The following VPS13B variants were observed in gnomAD, a reference collection of about 807,000 sequenced individuals.
The protein encoded by VPS13B is vacuolar protein sorting 13 homolog B, also known as intermembrane lipid transfer protein VPS13B.
Under a neutral mutation model 426.4 loss-of-function variants are expected in VPS13B, and 285 were observed. That is an observed-to-expected ratio of 0.67 (90% CI 0.61 to 0.74). The LOEUF (loss-of-function observed/expected upper bound fraction) is 0.74, where lower values mean the gene tolerates loss of function less well. Among genes scored for constraint, VPS13B ranks in the 30% least tolerant of loss-of-function variants. The pLI is 0.00. For synonymous variants in VPS13B, 1,676 were observed against 1,676.4 expected, an observed-to-expected ratio of 1.00 and a Z score of 0.01; for missense variants, 4,537 against 4,782.6, an observed-to-expected ratio of 0.95 and a Z score of 1.51.
At chr8:99,841,341 C>A (rs1323497706) in intron 54 of VPS13B, among the ~76,000 whole-genome samples, 1 of 152,176 alleles carries the variant, frequency 6.6e-6, no homozygotes, top group Non-Finnish European at 1.5e-5. Flanking sequence ...CTAGACATGT[C>A]AGCCTGAAAA....
intron 16 of VPS13B, among the ~76,000 whole-genome samples, chr8:99,183,616 G>A (rs1813063603): frequency 6.6e-6 from 1 of 151,736 alleles, no homozygotes; most frequent in South Asian, 2.1e-4. Flanking sequence ...ACTTAAATTG[G>A]GTATTTTTTC....
At chr8:99,498,088 A>G (rs960979256) in intron 25 of VPS13B, among the ~76,000 whole-genome samples, 62 of 152,222 alleles carry the variant, frequency 4.1e-4, no homozygotes, top group African/African-American at 1.4e-3. Context: ...ATATTCATAT[A>G]AAAATGTCTT....
At chr8:99,678,495 A>G (rs1831031229) in intron 35 of VPS13B, among the ~76,000 whole-genome samples, 1 of 151,546 alleles carries the variant, frequency 6.6e-6, no homozygotes, top group Non-Finnish European at 1.5e-5. Context: ...AACTCTCCTC[A>G]GCCCCCAACC....
chr8:99,334,705 C>G (rs184376329), intron 19 of VPS13B, among the ~76,000 whole-genome samples: 184 of 152,092 alleles, frequency 1.2e-3, no homozygotes, highest in African/African-American at 3.7e-3. Context: ...GGGTGAAGCC[C>G]ACTTACTTGA....
At chr8:99,270,131 C>CGTTTTTTTTTTTTTTT (rs1554703629) in intron 17 of VPS13B, among the ~76,000 whole-genome samples, 1 of 30,312 alleles carries the variant, frequency 3.3e-5, no homozygotes, top group Non-Finnish European at 6.0e-5. Flanking sequence ...ATATAAGAAT[C>CGTTTTTTTTTTTTTTT]TTTTTTTTTT....
At chr8:99,123,600 G>T (rs546452960) in intron 8 of VPS13B, among the ~76,000 whole-genome samples, 2 of 152,236 alleles carry the variant, frequency 1.3e-5, no homozygotes, top group East Asian at 1.9e-4. Context: ...GTAAGGAAAA[G>T]AAATAGATAG....
At chr8:99,366,801 A>G (rs948520889) in intron 19 of VPS13B, among the ~76,000 whole-genome samples, 2 of 152,084 alleles carry the variant, frequency 1.3e-5, no homozygotes, top group Non-Finnish European at 1.5e-5. Context: ...TGCAAGTACT[A>G]TCTTATAACG....
chr8:99,699,490 C>T lies in VPS13B; in HGVS notation c.6047-35C>T, dbSNP rs774556813. Reference sequence around the variant, plus strand: ...TAAAGGCTTGTATTCAGTAAGAAAGCTTCAATAATTGTTTTCTCTTTTTTA... The same window carrying T: ...TAAAGGCTTGTATTCAGTAAGAAAGTTTCAATAATTGTTTTCTCTTTTTTA... On this transcript the variant is annotated intron_variant, in intron 35 of 61. Transcript: ENST00000357162. The T allele has an allele frequency of 3.7e-6, 6 of 1,606,838 alleles. No homozygotes were observed. In the South Asian group the frequency reaches 4.4e-5, roughly 12 times the overall value.
intron 24 of VPS13B, among the ~76,000 whole-genome samples, chr8:99,475,112 A>G (rs1819623084): frequency 6.6e-6 from 1 of 152,322 alleles, no homozygotes; most frequent in African/African-American, 2.4e-5. Flanking sequence ...CTTACTCCAT[A>G]ATTCCATTTA....
chr8:99,697,414 G>C, intron 35 of VPS13B: 1 of 657,740 alleles, frequency 1.5e-6, no homozygotes, highest in African/African-American at 1.8e-5. Flanking sequence ...ACTGCCCCCT[G>C]CTAGAGAGCT....
At chr8:99,280,913 G>A (rs1819138780) in intron 19 of VPS13B, among the ~76,000 whole-genome samples, 1 of 151,716 alleles carries the variant, frequency 6.6e-6, no homozygotes, top group Admixed American at 6.6e-5. Context: ...AGCATTTACT[G>A]CTATGGTTGA....
intron 19 of VPS13B, among the ~76,000 whole-genome samples, chr8:99,371,263 A>G (rs1813164509): frequency 1.3e-5 from 2 of 152,198 alleles, no homozygotes; most frequent in Admixed American, 6.5e-5. Flanking sequence ...TAAGCAATTT[A>G]TTTCCTTAGC....
At chr8:99,743,146 C>A (rs186172377) in intron 39 of VPS13B, among the ~76,000 whole-genome samples, 2,957 of 152,232 alleles carry the variant, frequency 0.019, 102 homozygotes, top group African/African-American at 0.068. Flanking sequence ...TACAAAATCA[C>A]TGTGCAAAAA....
Position 99,642,322 on chromosome 8 carries a change from CTATTGT to C in VPS13B, c.5734_5739del (p.Ile1912_Val1913del). ...TCTGCTAGACAAGCACTTGGTATAA[CTATTGT>C]TCGGCAGCCTGGTCGAAGAGGAACT... On this transcript the variant is annotated inframe_deletion, in exon 34 of 62. Transcript: ENST00000357162. 1 of 1,614,184 alleles carries C rather than the reference CTATTGT, an allele frequency of 6.2e-7. No individual in the cohort carries two copies. The highest frequency in any genetic ancestry group is 8.5e-7 in the Non-Finnish European group (1 of 1,180,014).
chr8:99,830,843 G>T (rs1361232349), intron 51 of VPS13B, among the ~76,000 whole-genome samples: 2 of 152,026 alleles, frequency 1.3e-5, no homozygotes, highest in Non-Finnish European at 2.9e-5. Context: ...GCTTCCTTTG[G>T]CTAGGGGAGA....
At chr8:99,043,885 C>T (rs1229336513) in intron 3 of VPS13B, among the ~76,000 whole-genome samples, 3 of 152,008 alleles carry the variant, frequency 2.0e-5, no homozygotes, top group Non-Finnish European at 4.4e-5. Flanking sequence ...TGGATCCTGT[C>T]TCTGTATCTT....
intron 33 of VPS13B, among the ~76,000 whole-genome samples, chr8:99,596,160 G>A (rs1827001369): frequency 6.6e-6 from 1 of 151,818 alleles, no homozygotes; most frequent in East Asian, 1.9e-4. Context: ...CTGCACTAAA[G>A]TATCTTCTCT....
intron 23 of VPS13B, among the ~76,000 whole-genome samples, chr8:99,453,005 A>G (rs983451120): frequency 1.3e-5 from 2 of 152,186 alleles, no homozygotes; most frequent in Admixed American, 1.3e-4. Context: ...TTCTTCTTTG[A>G]ATGAGTTGCC....
chr8:99,026,464 T>G (rs1453755783), intron 2 of VPS13B, among the ~76,000 whole-genome samples: 2 of 152,182 alleles, frequency 1.3e-5, no homozygotes, highest in Non-Finnish European at 2.9e-5. Context: ...TTAGGTCTAT[T>G]TGGTCTAAAG....
Sources: gnomAD v4.1 joint callset for allele counts (sites outside exome capture counted in the v4.1 genomes callset) on GRCh38, gnomAD v4.1.1 for gene constraint, MANE v1.5 for transcripts, NCBI Gene and HGNC (gene_info 2026-07-23, HGNC 2026-07-21) for gene names.